CPVL: variants seen among roughly 807,000 people sequenced by gnomAD.
CPVL encodes the protein carboxypeptidase vitellogenic like.
A neutral mutation model predicts 63.7 loss-of-function variants in CPVL; 51 were observed. That is an observed-to-expected ratio of 0.80 (90% CI 0.64 to 1.01). CPVL has a LOEUF of 1.01. CPVL is among the 50% of genes least tolerant of loss of function. The probability of loss-of-function intolerance (pLI) is 0.00; values close to 1 mark genes in which losing one functional copy is unlikely to be tolerated. For synonymous variants in CPVL, 195 were observed against 206.0 expected (o/e 0.95, Z 0.46); for missense variants, 530 against 573.1 (o/e 0.92, Z 0.77).
chr7:29,070,707 C>T (rs1051857194), intron 9 of CPVL, among the ~76,000 whole-genome samples: 2 of 152,210 alleles, frequency 1.3e-5, no homozygotes, highest in Non-Finnish European at 2.9e-5. Flanking sequence ...CCCTTTGCTC[C>T]ATCCATTTGC....
chr7:29,170,903 C>T (rs1048216751), intron 5 of CPVL, among the ~76,000 whole-genome samples: 6 of 152,094 alleles, frequency 3.9e-5, no homozygotes, highest in Admixed American at 2.6e-4. Flanking sequence ...TATCAGATCT[C>T]GTGAGACTTA....
upstream of CPVL, among the ~76,000 whole-genome samples, chr7:29,150,451 A>T (rs1186626183): frequency 6.6e-6 from 1 of 152,216 alleles, no homozygotes; most frequent in Non-Finnish European, 1.5e-5. Flanking sequence ...ATCCAAGACA[A>T]CTAAATTGTA....
At chr7:29,103,255 T>TTG (rs1248880535) in intron 3 of CPVL, among the ~76,000 whole-genome samples, 3 of 149,986 alleles carry the variant, frequency 2.0e-5, no homozygotes, top group African/African-American at 7.4e-5. Context: ...TTTGTTTTTT[T>TTG]TTTTTTTTGA....
intron 3 of CPVL, among the ~76,000 whole-genome samples, chr7:29,097,724 T>C (rs1054778563): frequency 6.6e-6 from 1 of 151,974 alleles, no homozygotes; most frequent in Non-Finnish European, 1.5e-5. Flanking sequence ...AAGACAATGA[T>C]TGGAGAGTGT....
chr7:29,165,133 A>T (rs994129403), intron 5 of CPVL, among the ~76,000 whole-genome samples: 1 of 152,186 alleles, frequency 6.6e-6, no homozygotes, highest in African/African-American at 2.4e-5. Flanking sequence ...TAATCTAAAG[A>T]TCAATGTGGG....
At chr7:29,052,290 GA>G (rs916568240) in intron 11 of CPVL, among the ~76,000 whole-genome samples, 13 of 150,908 alleles carry the variant, frequency 8.6e-5, no homozygotes, top group South Asian at 4.2e-4. Context: ...AACCTATGGG[GA>G]AAAAAATTTT....
intron 3 of CPVL, among the ~76,000 whole-genome samples, chr7:29,101,323 G>A (rs1472923811): frequency 6.6e-6 from 1 of 152,240 alleles, no homozygotes; most frequent in Non-Finnish European, 1.5e-5. Context: ...AAATGTGGCT[G>A]GGCGCGGTGG....
At chr7:29,149,285 C>T (rs909431448), upstream of CPVL, among the ~76,000 whole-genome samples, 1 of 150,972 alleles carries the variant, frequency 6.6e-6, no homozygotes, top group East Asian at 1.9e-4. Flanking sequence ...CTCCACCTCC[C>T]GGGTTCAAGC....
intron 10 of CPVL, among the ~76,000 whole-genome samples, chr7:29,064,438 C>A (rs1782950806): frequency 6.6e-6 from 1 of 151,940 alleles, no homozygotes; most frequent in Non-Finnish European, 1.5e-5. Context: ...TCTGAAATAC[C>A]CTTAAAATAC....
At chr7:29,132,271 G>A (rs188559899) in intron 1 of CPVL, among the ~76,000 whole-genome samples, 231 of 152,260 alleles carry the variant, frequency 1.5e-3, no homozygotes, top group African/African-American at 5.2e-3. Context: ...CCAGGTGAGC[G>A]ATGGTCGGAG....
chr7:29,088,717 G>A lies in CPVL; in HGVS notation c.543-2167C>T, dbSNP rs543372071. The stretch of plus-strand genomic sequence containing the variant: ...ATATATAATACATAAGTGGCCGGGC[G>A]CGGTGGCTCACACCTGTGGGAGGCC... On this transcript the variant is annotated intron_variant, in intron 6 of 12. Coordinates refer to ENST00000265394, the MANE Select transcript of CPVL (RefSeq NM_031311.5). 1.3e-4 allele frequency among the ~76,000 whole-genome samples: 20 copies of A among 152,254 alleles called. No individual in the cohort carries two copies. The South Asian group carries it at 1.7e-3, about 13-fold the overall frequency.
intron 11 of CPVL, among the ~76,000 whole-genome samples, chr7:29,053,489 A>T (rs1790404169): frequency 6.6e-6 from 1 of 152,256 alleles, no homozygotes; most frequent in Non-Finnish European, 1.5e-5. Flanking sequence ...ACAAAAGGCC[A>T]TATACTGCAC....
At chr7:29,005,902 T>G (rs1471534509) in intron 12 of CPVL, among the ~76,000 whole-genome samples, 1 of 152,172 alleles carries the variant, frequency 6.6e-6, no homozygotes, top group African/African-American at 2.4e-5. Context: ...ATGATCTACA[T>G]TTGTAGTTTT....
chr7:29,172,092 G>C (rs924888898), intron 5 of CPVL, among the ~76,000 whole-genome samples: 2 of 152,164 alleles, frequency 1.3e-5, no homozygotes, highest in Non-Finnish European at 2.9e-5. Context: ...GCAGTATCAC[G>C]TTTATACGCT....
intron 5 of CPVL, among the ~76,000 whole-genome samples, chr7:29,166,368 A>G (rs1795921164): frequency 6.6e-6 from 1 of 152,108 alleles, no homozygotes; most frequent in South Asian, 2.1e-4. Flanking sequence ...ATTTTCTTGA[A>G]GTTTTGTGTA....
At chr7:29,104,193 C>T (rs963694794) in intron 3 of CPVL, among the ~76,000 whole-genome samples, 1 of 152,212 alleles carries the variant, frequency 6.6e-6, no homozygotes, top group Non-Finnish European at 1.5e-5. Flanking sequence ...TGACTACTCA[C>T]CAAATCTTCC....
chr7:29,047,396 C>T (rs773682375), intron 11 of CPVL, among the ~76,000 whole-genome samples: 5 of 152,146 alleles, frequency 3.3e-5, no homozygotes, highest in Admixed American at 6.6e-5. Flanking sequence ...AAAATACTCT[C>T]GAAAGTCTCA....
At chr7:29,018,314 T>C (rs2128140817) in intron 12 of CPVL, among the ~76,000 whole-genome samples, 1 of 151,032 alleles carries the variant, frequency 6.6e-6, no homozygotes, top group Non-Finnish European at 1.5e-5. Flanking sequence ...TGACATTTAT[T>C]CTAAAAAAAA....
intron 1 of CPVL, chr7:29,194,776 G>T (rs1028876842): frequency 2.0e-6 from 1 of 497,368 alleles, no homozygotes; most frequent in Non-Finnish European, 3.3e-6. Context: ...GCGTCATCTG[G>T]TGGAGCAGGA....
Sources: gnomAD v4.1 joint callset for allele counts (sites outside exome capture counted in the v4.1 genomes callset) on GRCh38, gnomAD v4.1.1 for gene constraint, MANE v1.5 for transcripts, NCBI Gene and HGNC (gene_info 2026-07-23, HGNC 2026-07-21) for gene names.